The following GALNT13 variants were observed in gnomAD, a reference collection of about 807,000 sequenced individuals.
GALNT13 encodes the protein polypeptide N-acetylgalactosaminyltransferase 13.
GALNT13 carries 28 observed loss-of-function variants against 64.2 expected under a neutral mutation model. The ratio of observed to expected loss-of-function variants is 0.44; its 90% CI spans 0.32 to 0.60. The LOEUF is 0.60. Ranked by LOEUF, GALNT13 falls within the 20% of genes least tolerant of loss-of-function variation. GALNT13 has a pLI of 0.05. For synonymous variants in GALNT13, 214 were observed against 224.6 expected (o/e 0.95, Z 0.42); for missense variants, 577 against 669.8 (o/e 0.86, Z 1.53).
the GALNT13 span, among the ~76,000 whole-genome samples, chr2:153,823,085 A>G: frequency 6.6e-6 from 1 of 152,338 alleles, no homozygotes; most frequent in African/African-American, 2.4e-5. Context: ...AAAGTTCTGT[A>G]CAAGGATAAT....
chr2:154,133,537 TATATATATATATATATA>T (rs1682757864), intron 3 of GALNT13, among the ~76,000 whole-genome samples: 1 of 7,214 alleles, frequency 1.4e-4, no homozygotes, highest in Non-Finnish European at 3.9e-4. Flanking sequence ...GACCATTTTA[TATATATATATATATATA>T]TATATATATA....
the GALNT13 span, among the ~76,000 whole-genome samples, chr2:153,194,484 G>T: frequency 6.6e-6 from 1 of 151,946 alleles, no homozygotes; most frequent in Non-Finnish European, 1.5e-5. Context: ...ATCCTGAATT[G>T]TTCTGATTTT....
the GALNT13 span, among the ~76,000 whole-genome samples, chr2:153,532,715 G>A: frequency 6.6e-6 from 1 of 152,054 alleles, no homozygotes; most frequent in South Asian, 2.1e-4. Flanking sequence ...AAACACCCAG[G>A]CCACATCTTA....
At chr2:153,727,564 A>G in the GALNT13 span, among the ~76,000 whole-genome samples, 1 of 152,128 alleles carries the variant, frequency 6.6e-6, no homozygotes. Flanking sequence ...TGACTTTACC[A>G]ATTGCCATCC....
chr2:153,454,404 T>A, the GALNT13 span, among the ~76,000 whole-genome samples: 416 of 152,322 alleles, frequency 2.7e-3, 19 homozygotes, highest in East Asian at 0.074. Context: ...TGCTGCAGAA[T>A]AAACTTGGCA....
Position 153,906,776 on chromosome 2 carries a change from G to A in GALNT13, c.-105+5769G>A, listed in dbSNP as rs556923898. Among the ~76,000 whole-genome samples the A allele has an allele frequency of 5.2e-3, 795 of 151,932 alleles. 4 individuals are homozygous for A. The highest frequency in any genetic ancestry group is 0.018 in the African/African-American group (748 of 41,430). On this transcript the variant is annotated intron_variant, in intron 2 of 12. Transcript: ENST00000392825. The stretch of plus-strand genomic sequence containing the variant: ...GTATATACCCAGTAATGGGATGGCT[G>A]GGTCAAATGGTATTTCTAGTTCTAG...
chr2:153,593,536 T>A, the GALNT13 span, among the ~76,000 whole-genome samples: 1 of 152,184 alleles, frequency 6.6e-6, no homozygotes, highest in Non-Finnish European at 1.5e-5. Context: ...TTAATAATCC[T>A]GTTGCTTTTG....
chr2:154,307,309 C>G (rs1021953504), intron 9 of GALNT13, among the ~76,000 whole-genome samples: 5 of 152,060 alleles, frequency 3.3e-5, no homozygotes, highest in African/African-American at 1.2e-4. Context: ...AATTGTCTAA[C>G]AGAGCAACAT....
chr2:154,351,358 T>C (rs923352545), intron 9 of GALNT13, among the ~76,000 whole-genome samples: 9 of 151,970 alleles, frequency 5.9e-5, no homozygotes, highest in Admixed American at 1.3e-4. Context: ...CGTTGTGAGC[T>C]TCAAGAACTG....
chr2:154,049,458 T>TATAA (rs1553471133), intron 3 of GALNT13, among the ~76,000 whole-genome samples: 2 of 147,330 alleles, frequency 1.4e-5, no homozygotes, highest in Non-Finnish European at 3.0e-5. Context: ...TATATATATA[T>TATAA]AATGGTATAT....
At chr2:153,422,475 C>G in the GALNT13 span, among the ~76,000 whole-genome samples, 8 of 152,200 alleles carry the variant, frequency 5.3e-5, no homozygotes, top group African/African-American at 1.9e-4. Context: ...GACTGCTGTA[C>G]AATTGTACTT....
chr2:153,373,014 T>A, the GALNT13 span, among the ~76,000 whole-genome samples: 4 of 152,202 alleles, frequency 2.6e-5, no homozygotes, highest in Admixed American at 2.6e-4. Flanking sequence ...GATAAATGAT[T>A]ATTTTAACTC....
At chr2:153,317,681 T>G in the GALNT13 span, among the ~76,000 whole-genome samples, 1 of 152,128 alleles carries the variant, frequency 6.6e-6, no homozygotes, top group South Asian at 2.1e-4. Flanking sequence ...TTTAAAACTT[T>G]CAGTAAAGTG....
the GALNT13 span, among the ~76,000 whole-genome samples, chr2:153,262,265 G>A: frequency 6.6e-6 from 1 of 152,172 alleles, no homozygotes; most frequent in Admixed American, 6.5e-5. Context: ...ACAAAGGCAG[G>A]TGCTAAATTC....
intron 1 of GALNT13, among the ~76,000 whole-genome samples, chr2:153,891,441 A>G (rs1475067616): frequency 2.6e-5 from 4 of 151,944 alleles, no homozygotes; most frequent in African/African-American, 4.8e-5. Context: ...CTCATTTGGT[A>G]TTTGAAATCA....
chr2:154,234,753 A>G (rs895542816), intron 4 of GALNT13, among the ~76,000 whole-genome samples: 7 of 152,124 alleles, frequency 4.6e-5, no homozygotes, highest in Admixed American at 2.6e-4. Context: ...ATGACTCCTC[A>G]TTGCAAACCT....
chr2:153,481,835 T>C, the GALNT13 span, among the ~76,000 whole-genome samples: 1 of 152,210 alleles, frequency 6.6e-6, no homozygotes, highest in Admixed American at 6.5e-5. Flanking sequence ...TGATTTTCTC[T>C]TTTTGTACAT....
Position 153,960,398 on chromosome 2 carries a change from G to A in GALNT13, c.142+15759G>A, listed in dbSNP as rs553920831. 2.2e-4 allele frequency among the ~76,000 whole-genome samples: 34 copies of A among 152,340 alleles called. 1 individual carries two copies. The highest frequency in any genetic ancestry group is 1.7e-3 in the South Asian group (8 of 4,828). On this transcript the variant is annotated intron_variant, in intron 3 of 12. Transcript: ENST00000392825. ...GGAAACAATTCAAGGGCAAGCCAGAGGTAGAAGGAAACAGCTTTATTGAAC... is the reference window on the plus strand; with the variant it reads ...GGAAACAATTCAAGGGCAAGCCAGAAGTAGAAGGAAACAGCTTTATTGAAC...
At chr2:153,822,519 T>A in the GALNT13 span, among the ~76,000 whole-genome samples, 1 of 152,136 alleles carries the variant, frequency 6.6e-6, no homozygotes, top group Non-Finnish European at 1.5e-5. Flanking sequence ...AAGCTTTTGA[T>A]AAAAATCTCA....
Sources: allele counts gnomAD v4.1 joint callset (sites outside exome capture counted in the v4.1 genomes callset), GRCh38; gene constraint gnomAD v4.1.1; transcripts MANE v1.5; gene names NCBI Gene and HGNC (gene_info 2026-07-23, HGNC 2026-07-21).